Variants in STON2 observed in about 807,000 individuals in gnomAD.
STON2 encodes stonin-2.
In STON2, 29 loss-of-function variants were observed where a neutral mutation model predicts 65.7. The observed-to-expected ratio is 0.44, with a 90% CI of 0.33 to 0.60. The LOEUF (loss-of-function observed/expected upper bound fraction) is 0.60. STON2 is among the 20% of genes least tolerant of loss of function. The probability of loss-of-function intolerance (pLI) is 0.03; values close to 1 mark genes in which losing one functional copy is unlikely to be tolerated. For missense variants in STON2, 1,054 were observed against 1,118.1 expected (o/e 0.94, Z 0.82); for synonymous variants, 404 against 414.2 (o/e 0.98, Z 0.30).
chr14:81,326,673 A>C (rs962268480), intron 4 of STON2, among the ~76,000 whole-genome samples: 1 of 152,222 alleles, frequency 6.6e-6, no homozygotes, highest in Non-Finnish European at 1.5e-5. Flanking sequence ...CCTTAGAATT[A>C]AAAGGTCATT....
intron 5 of STON2, among the ~76,000 whole-genome samples, chr14:81,321,949 G>A (rs1263052262): frequency 6.6e-6 from 1 of 152,176 alleles, no homozygotes; most frequent in African/African-American, 2.4e-5. Context: ...GAGGTTAGGG[G>A]GTGGGTGTTG....
At chr14:81,419,512 T>C (rs2139890309) in intron 2 of STON2, among the ~76,000 whole-genome samples, 1 of 152,356 alleles carries the variant, frequency 6.6e-6, no homozygotes, top group African/African-American at 2.4e-5. Context: ...AGGTTCTAAA[T>C]GATGGATCTT....
rs1894189250 is a variant in STON2, at chr14:81,262,488, C to T, written c.*5926G>A. The T allele has an allele frequency of 2.0e-6, 2 of 985,288 alleles. No individual in the cohort carries two copies. The highest frequency in any genetic ancestry group is 1.7e-5 in the African/African-American group (1 of 57,368). The allele number at this position is 985,288 out of a possible 1,614,324, so 61.0% of individuals were successfully genotyped here. A position where few individuals can be genotyped will look rare whatever the true frequency, so the allele number is the denominator to read the frequency against. Reference sequence around the variant, plus strand: ...TCTTACTTTTAACTTTAAGAGATGGCTTCTAGTTCAAGTATTTTGAGGCTT... The same window carrying T: ...TCTTACTTTTAACTTTAAGAGATGGTTTCTAGTTCAAGTATTTTGAGGCTT... On this transcript the variant is annotated 3_prime_UTR_variant, in exon 8 of 8. Coordinates refer to ENST00000614646, the MANE Select transcript of STON2 (RefSeq NM_001394390.1).
chr14:81,425,253 C>A (rs1901909691), intron 2 of STON2, among the ~76,000 whole-genome samples: 1 of 152,168 alleles, frequency 6.6e-6, no homozygotes, highest in African/African-American at 2.4e-5. Context: ...AATTTTCCAA[C>A]CAAGTGTAAA....
At chr14:81,350,537 A>T (rs1897985224) in intron 4 of STON2, among the ~76,000 whole-genome samples, 1 of 151,926 alleles carries the variant, frequency 6.6e-6, no homozygotes, top group African/African-American at 2.4e-5. Flanking sequence ...AGTTGTGCCC[A>T]GCCAATCTCT....
chr14:81,303,056 G>T (rs7401072), intron 5 of STON2, among the ~76,000 whole-genome samples: 51 of 51,084 alleles, frequency 1.0e-3, no homozygotes, highest in South Asian at 2.1e-3. Flanking sequence ...TACATGTGTG[G>T]GGGGTGTGTG....
At chr14:81,315,225 G>T (rs1315654790) in intron 5 of STON2, among the ~76,000 whole-genome samples, 1 of 152,058 alleles carries the variant, frequency 6.6e-6, no homozygotes, top group Non-Finnish European at 1.5e-5. Flanking sequence ...TGTTGCCAGG[G>T]GTTACATCTC....
At chr14:81,345,271 T>A (rs770971689) in intron 4 of STON2, among the ~76,000 whole-genome samples, 4 of 152,194 alleles carry the variant, frequency 2.6e-5, no homozygotes, top group Non-Finnish European at 2.9e-5. Context: ...TGTGACTGTA[T>A]CATACAGAGG....
rs966467086 is a variant in STON2 at position 81,412,908 on chromosome 14, G to A, written c.-199+14194C>T. The A allele has an allele frequency of 3.1e-5, 19 of 620,228 alleles. 4 individuals are homozygous for A. In the East Asian group the frequency reaches 3.8e-4, roughly 12 times the overall value. 38.4% of individuals were successfully genotyped at this position (620,228 alleles called of 1,614,324 possible). On this transcript the variant is annotated intron_variant, in intron 2 of 8. Transcript: ENST00000553821. Reference sequence around the variant, plus strand: ...ATAGCGATGGCAGCTCCAGCCGGGCGATGCTTAGCACCTCCCCAGGAGACC... The same window carrying A: ...ATAGCGATGGCAGCTCCAGCCGGGCAATGCTTAGCACCTCCCCAGGAGACC...
rs1028108956 is a variant in STON2, at chr14:81,364,047, T to C, written c.571+6941A>G. Reference sequence around the variant, plus strand: ...AAGTTGTTGTCACAAAAATTGAGGTTCCCCAGGCTACAACTCTCTACTCAC... The same window carrying C: ...AAGTTGTTGTCACAAAAATTGAGGTCCCCCAGGCTACAACTCTCTACTCAC... On this transcript the variant is annotated intron_variant, in intron 4 of 7. Transcript: ENST00000614646. 1.6e-4 allele frequency among the ~76,000 whole-genome samples: 25 copies of C among 152,260 alleles called. 1 individual carries two copies. The Middle Eastern group carries it at 0.014, about 83-fold the overall frequency.
In STON2 at chr14:81,263,573, T is replaced by C. The variant is rs927336693; in HGVS notation, c.*4841A>G. 5.2e-5 allele frequency: 8 copies of C among 155,182 alleles called. No individual in the cohort carries two copies. Among genetic ancestry groups the C allele is most frequent in the Non-Finnish European group, 9.3e-5 (8 of 86,070 alleles). 9.6% of individuals were successfully genotyped at this position (155,182 alleles called of 1,614,324 possible). A position where few individuals can be genotyped will look rare whatever the true frequency, so the allele number is the denominator to read the frequency against. On this transcript the variant is annotated 3_prime_UTR_variant, in exon 8 of 8. Transcript: ENST00000614646. ...AAAAAAAAAAAAACAAAAAAGAAAA[T>C]GCTATTTTTTGGCCATGTTTTTAAA...
chr14:81,435,699 G>C (rs1431345885), intron 1 of STON2, among the ~76,000 whole-genome samples: 1 of 141,776 alleles, frequency 7.1e-6, no homozygotes, highest in African/African-American at 2.9e-5. Context: ...GCACACACAC[G>C]CACACGCGCG....
At chr14:81,335,927 C>CA (rs1176237531) in intron 4 of STON2, among the ~76,000 whole-genome samples, 1 of 151,940 alleles carries the variant, frequency 6.6e-6, no homozygotes, top group Non-Finnish European at 1.5e-5. Context: ...GAAAAGGTAA[C>CA]AAAAACAATT....
rs1438634741 is a variant in STON2 at position 81,277,623 on chromosome 14, C to T, written c.1859G>A (p.Gly620Asp). 1.2e-6 allele frequency: 2 copies of T among 1,614,156 alleles called. No individual in the cohort carries two copies. The highest frequency in any genetic ancestry group is 3.3e-5 in the Admixed American group (2 of 60,016). The change falls in exon 6 of 8, where the codon GGC (glycine) becomes GAC (aspartate). Residue 620 changes from glycine to aspartate, a missense_variant. Gly to Asp is a moderately conservative substitution (Grantham distance 94, BLOSUM62 -1). Transcript: ENST00000614646. ...PVLSMDLSTV[G>D]LNYLEEEITV... ...AATCTCCTCTTCAAGGTAGTTGAGG[C>T]CAACTGTGCTCAAGTCCATTGACAA...
intron 2 of STON2, among the ~76,000 whole-genome samples, chr14:81,408,016 G>A (rs1031486477): frequency 2.6e-5 from 4 of 152,122 alleles, no homozygotes; most frequent in African/African-American, 9.7e-5. Flanking sequence ...ACCCTGTGAG[G>A]AAGACTAAAT....
chr14:81,330,966 G>C (rs1362051606), intron 4 of STON2, among the ~76,000 whole-genome samples: 1 of 152,202 alleles, frequency 6.6e-6, no homozygotes, highest in Non-Finnish European at 1.5e-5. Context: ...CTCACATTTG[G>C]GGTCTGCTTA....
At chr14:81,399,479 A>T (rs1900494272) in intron 1 of STON2, among the ~76,000 whole-genome samples, 1 of 152,226 alleles carries the variant, frequency 6.6e-6, no homozygotes, top group Non-Finnish European at 1.5e-5. Flanking sequence ...CAGTCTTCCA[A>T]TTGCTGCACA....
intron 4 of STON2, among the ~76,000 whole-genome samples, chr14:81,354,866 A>C (rs1421661664): frequency 6.6e-6 from 1 of 152,048 alleles, no homozygotes; most frequent in Admixed American, 6.6e-5. Context: ...AAAATACAAA[A>C]ATTAGCTGGG....
At chr14:81,305,802 T>C (rs910652119) in intron 5 of STON2, among the ~76,000 whole-genome samples, 2 of 151,644 alleles carry the variant, frequency 1.3e-5, no homozygotes, top group Non-Finnish European at 2.9e-5. Context: ...TTATTAGAGA[T>C]TGACTGGTGG....
Sources: gnomAD v4.1 joint callset for allele counts (sites outside exome capture counted in the v4.1 genomes callset) on GRCh38, gnomAD v4.1.1 for gene constraint, MANE v1.5 for transcripts, NCBI Gene and HGNC (gene_info 2026-07-23, HGNC 2026-07-21) for gene names.